The following DENND11 variants were observed in gnomAD, a reference collection of about 807,000 sequenced individuals.
DENND11 encodes the protein DENN domain containing 11.
In DENND11, 34 loss-of-function variants were observed where a neutral mutation model predicts 49.2. The ratio of observed to expected loss-of-function variants is 0.69; its 90% CI spans 0.53 to 0.92. The LOEUF is 0.92. Among genes scored for constraint, DENND11 ranks in the 40% least tolerant of loss-of-function variants. The pLI, the probability that DENND11 is intolerant of heterozygous loss-of-function variation, is 0.00. For synonymous variants in DENND11, 238 were observed against 230.3 expected (o/e 1.03, Z -0.30); for missense variants, 475 against 581.6 (o/e 0.82, Z 1.88).
At position 141,664,971 on chromosome 7, in the gene DENND11, G is replaced by A. The variant is rs1376173765; in HGVS notation, c.1036C>T (p.His346Tyr). 1 of 1,613,796 alleles carries A rather than the reference G, an allele frequency of 6.2e-7. No homozygotes were observed. The highest frequency in any genetic ancestry group is 2.2e-5 in the East Asian group (1 of 44,868). ...TTGATCTTCAGCAGCGGCTGCAGGT[G>A]GTCGTGGTGTGTCTTCACATTCTGG... ...DNQNVKTHHD[H>Y]LQPLLKINSA... The change falls in exon 7 of 9, where the codon CAC becomes TAC. Residue 346 changes from histidine (H) to tyrosine (Y), a missense_variant. Transcript: ENST00000536163.
chr7:141,694,457 C>T (rs1158090067), intron 1 of DENND11, among the ~76,000 whole-genome samples: 2 of 151,828 alleles, frequency 1.3e-5, no homozygotes, highest in Non-Finnish European at 2.9e-5. Flanking sequence ...GATGAGGTCT[C>T]GCCATGTTGC....
At chr7:141,697,515 A>G (rs1798435156) in intron 1 of DENND11, among the ~76,000 whole-genome samples, 1 of 152,258 alleles carries the variant, frequency 6.6e-6, no homozygotes, top group African/African-American at 2.4e-5. Flanking sequence ...GCCGGATATC[A>G]GAACAGGCTT....
chr7:141,691,908 TA>T (rs143857054), intron 1 of DENND11, among the ~76,000 whole-genome samples: 1 of 151,482 alleles, frequency 6.6e-6, no homozygotes, highest in East Asian at 1.9e-4. Flanking sequence ...AATGGGTATT[TA>T]AAAAAAAACA....
At position 141,664,911 on chromosome 7, in the gene DENND11, C is replaced by G. The variant is rs894649580; in HGVS notation, c.1096G>C (p.Glu366Gln). The change falls in exon 7 of 9, where the codon GAG becomes CAG. Residue 366 changes from glutamate to glutamine, a missense_variant. Glu to Gln is a conservative substitution (Grantham distance 29, BLOSUM62 2). Coordinates refer to ENST00000536163, the MANE Select transcript of DENND11 (RefSeq NM_001080392.2). Reference protein sequence around the residue: ...ADREKYRRLNEQRQMLLYSQE... With the variant: ...ADREKYRRLNQQRQMLLYSQE... ...CCCCTTAGCTGCCACTACCTCTGCTCGTTGAGCCGGCGGTACTTCTCCCTG... is the reference window on the plus strand; with the variant it reads ...CCCCTTAGCTGCCACTACCTCTGCTGGTTGAGCCGGCGGTACTTCTCCCTG... 1 of 1,611,396 alleles carries G rather than the reference C, an allele frequency of 6.2e-7. No homozygotes were observed. The highest frequency in any genetic ancestry group is 8.5e-7 in the Non-Finnish European group (1 of 1,178,728).
intron 8 of DENND11, 141 bp from the exon 9 acceptor site, chr7:141,662,992 GA>G (rs1209927839): frequency 3.4e-6 from 2 of 589,218 alleles, no homozygotes; most frequent in Non-Finnish European, 5.5e-6. Flanking sequence ...TTTAAAAAAA[GA>G]AAAGAGTAAA....
At chr7:141,689,456 G>T (rs1331723066) in intron 1 of DENND11, among the ~76,000 whole-genome samples, 1 of 152,160 alleles carries the variant, frequency 6.6e-6, no homozygotes, top group African/African-American at 2.4e-5. Flanking sequence ...CTGTCAGCAG[G>T]GAAGGGGAAG....
At chr7:141,689,571 ACCTGCACAT>A (rs1485869234) in intron 1 of DENND11, among the ~76,000 whole-genome samples, 1 of 152,244 alleles carries the variant, frequency 6.6e-6, no homozygotes, top group Non-Finnish European at 1.5e-5. Flanking sequence ...TATGTAACAA[ACCTGCACAT>A]CCTGCACATG....
chr7:141,665,345 G>C lies in DENND11; in HGVS notation c.821-27C>G, dbSNP rs116796942. 3,097 of 1,613,132 alleles carry C rather than the reference G, an allele frequency of 1.9e-3. 56 individuals are homozygous for C. In the African/African-American group the frequency reaches 0.037, roughly 19 times the overall value. ...TGTGGGGATAGAGGAGGTGAGCGGG[G>C]AGGGTCTGCCCCTCCACAGCCCTTC... On this transcript the variant is annotated intron_variant, in intron 5 of 8. Coordinates refer to ENST00000536163, the MANE Select transcript of DENND11 (RefSeq NM_001080392.2).
chr7:141,669,448 A>C (rs1797943746), intron 4 of DENND11, among the ~76,000 whole-genome samples: 1 of 149,590 alleles, frequency 6.7e-6, no homozygotes, highest in Non-Finnish European at 1.5e-5. Flanking sequence ...GGGTTTCACC[A>C]TGTTGGCTAG....
intron 3 of DENND11, among the ~76,000 whole-genome samples, chr7:141,675,192 C>T (rs745335672): frequency 2.0e-5 from 3 of 152,090 alleles, no homozygotes; most frequent in African/African-American, 4.8e-5. Flanking sequence ...GTGAACGTGA[C>T]GACAGAGACT....
At chr7:141,685,306 A>T (rs2117072036) in intron 3 of DENND11, among the ~76,000 whole-genome samples, 172 bp downstream of exon 3, 1 of 152,282 alleles carries the variant, frequency 6.6e-6, no homozygotes, top group South Asian at 2.1e-4. Flanking sequence ...CTCATCATGC[A>T]GGACGTTGGC....
chr7:141,701,824 G>A (rs1798525272), intron 1 of DENND11, 62 bp downstream of exon 1: 7 of 1,126,748 alleles, frequency 6.2e-6, no homozygotes, highest in Non-Finnish European at 1.1e-6. Context: ...CCTCCCCCGC[G>A]CCCCCAAAGC....
chr7:141,658,806 C>G lies in DENND11; in HGVS notation c.*3850G>C, dbSNP rs149055232. 1.3e-5 allele frequency: 2 copies of G among 152,458 alleles called. No homozygotes were observed. The highest frequency in any genetic ancestry group is 2.9e-5 in the Non-Finnish European group (2 of 68,028). 9.4% of individuals were successfully genotyped at this position (152,458 alleles called of 1,614,324 possible). On this transcript the variant is annotated 3_prime_UTR_variant, in exon 9 of 9. Coordinates refer to ENST00000536163, the MANE Select transcript of DENND11 (RefSeq NM_001080392.2). Reference sequence around the variant, plus strand: ...TTCTCGGAGGGTTGATGTCCTAAAACTGAAAGCCTAATTCATTACTGTCCT... The same window carrying G: ...TTCTCGGAGGGTTGATGTCCTAAAAGTGAAAGCCTAATTCATTACTGTCCT...
intron 1 of DENND11, among the ~76,000 whole-genome samples, chr7:141,699,916 T>TCACACACA (rs145606748): frequency 3.2e-4 from 47 of 146,890 alleles, no homozygotes; most frequent in Admixed American, 8.2e-4. Context: ...AAACCATCAC[T>TCACACACA]CACACACACA....
intron 3 of DENND11, among the ~76,000 whole-genome samples, chr7:141,677,985 T>C (rs896059479): frequency 1.3e-5 from 2 of 151,814 alleles, no homozygotes; most frequent in African/African-American, 4.8e-5. Context: ...CTTTTGGAAA[T>C]GGAGTCTCGC....
chr7:141,675,984 T>C (rs984171900), intron 3 of DENND11, among the ~76,000 whole-genome samples: 1 of 152,218 alleles, frequency 6.6e-6, no homozygotes, highest in Non-Finnish European at 1.5e-5. Flanking sequence ...CAAATGTTCA[T>C]GAGCTAGACA....
At chr7:141,667,922 G>A (rs1402541703) in intron 4 of DENND11, among the ~76,000 whole-genome samples, 5 of 152,272 alleles carry the variant, frequency 3.3e-5, no homozygotes, top group Middle Eastern at 3.4e-3. Context: ...CTCTGCCACC[G>A]CAACCCAAAT....
intron 1 of DENND11, among the ~76,000 whole-genome samples, chr7:141,690,745 CA>C (rs1242383820): frequency 6.6e-6 from 1 of 152,130 alleles, no homozygotes; most frequent in East Asian, 1.9e-4. Flanking sequence ...AAAAAGAAAA[CA>C]AAATTTTGTG....
Position 141,665,019 on chromosome 7 carries a change from G to A in DENND11, c.988C>T (p.Leu330=). Residue 330 remains leucine, a synonymous_variant, in exon 7 of 9, where the codon CTG becomes TTG. Transcript: ENST00000536163. ...TGGTTATCCACGTAGACGTCATACA[G>A]CTCCCGCTTCTCCTCGAATATCTTC... The part of the protein sequence containing the change: ...TEKIFEEKRE[L]YDVYVDNQNV... 6.2e-7 allele frequency: 1 copy of A among 1,613,962 alleles called. No individual in the cohort carries two copies.
Sources: gnomAD v4.1 joint callset for allele counts (sites outside exome capture counted in the v4.1 genomes callset) on GRCh38, gnomAD v4.1.1 for gene constraint, MANE v1.5 for transcripts, NCBI Gene and HGNC (gene_info 2026-07-23, HGNC 2026-07-21) for gene names.